The following GFRA1 variants were observed in gnomAD, a reference collection of about 807,000 sequenced individuals.
GFRA1 encodes GDNF family receptor alpha 1.
A neutral mutation model predicts 51.6 loss-of-function variants in GFRA1; 16 were observed. The observed-to-expected ratio is 0.31, with a 90% CI of 0.21 to 0.47. The LOEUF is 0.47. Ranked by LOEUF, GFRA1 falls within the 20% of genes least tolerant of loss-of-function variation. The pLI is 1.00. For synonymous variants in GFRA1, 270 were observed against 241.3 expected (o/e 1.12, Z -1.10); for missense variants, 530 against 594.3 (o/e 0.89, Z 1.13).
chr10:116,229,659 C>A (rs1356330964), intron 4 of GFRA1, among the ~76,000 whole-genome samples: 1 of 152,120 alleles, frequency 6.6e-6, no homozygotes, highest in Admixed American at 6.5e-5. Context: ...AGGTGGCTCC[C>A]CTGCTAGGTT....
chr10:116,076,773 GT>G (rs2133817719), intron 9 of GFRA1, among the ~76,000 whole-genome samples: 1 of 152,268 alleles, frequency 6.6e-6, no homozygotes, highest in South Asian at 2.1e-4. Flanking sequence ...TCCCCATGGT[GT>G]GCTCCCTAAG....
chr10:116,152,319 C>G (rs929004241), intron 5 of GFRA1, among the ~76,000 whole-genome samples: 1 of 152,264 alleles, frequency 6.6e-6, no homozygotes, highest in Non-Finnish European at 1.5e-5. Context: ...ACCGTCTTCA[C>G]AACCTTTTAG....
intron 10 of GFRA1, 145 bp downstream of exon 10, chr10:116,065,428 G>T (rs1955057065): frequency 2.9e-6 from 2 of 700,644 alleles, no homozygotes; most frequent in Admixed American, 4.3e-5. Context: ...TTGCTCAAAG[G>T]GCAGACGGTC....
chr10:116,115,744 G>A (rs574950878), intron 6 of GFRA1, among the ~76,000 whole-genome samples: 24 of 152,154 alleles, frequency 1.6e-4, no homozygotes, highest in African/African-American at 5.8e-4. Flanking sequence ...CCCTTCCCTG[G>A]GAATTAGAAA....
rs61218039 is a variant in GFRA1, at chr10:116,152,555, A to G, written c.434-26998T>C. Among the ~76,000 whole-genome samples, 1,415 of 152,298 alleles carry G rather than the reference A, an allele frequency of 9.3e-3. 20 individuals carry two copies. Among genetic ancestry groups the G allele is most frequent in the African/African-American group, 0.033 (1,353 of 41,564 alleles). On this transcript the variant is annotated intron_variant, in intron 5 of 10. Transcript: ENST00000355422. ...ACTGAGTGACAACTCACTCATCACCAATGCGATGGTGTTAAACCATTCACG... is the reference window on the plus strand; with the variant it reads ...ACTGAGTGACAACTCACTCATCACCGATGCGATGGTGTTAAACCATTCACG...
At chr10:116,217,024 G>A (rs934541143) in intron 4 of GFRA1, among the ~76,000 whole-genome samples, 2 of 152,154 alleles carry the variant, frequency 1.3e-5, no homozygotes, top group African/African-American at 4.8e-5. Flanking sequence ...TGTGAATGCA[G>A]TGAATTTTTT....
At chr10:116,225,262 C>T (rs555418091) in intron 4 of GFRA1, among the ~76,000 whole-genome samples, 14 of 152,050 alleles carry the variant, frequency 9.2e-5, no homozygotes, top group East Asian at 3.9e-4. Flanking sequence ...TGGGGCCAGG[C>T]GTGGTGGCTC....
At chr10:116,194,391 CCT>C (rs1341268904) in intron 5 of GFRA1, among the ~76,000 whole-genome samples, 1 of 152,162 alleles carries the variant, frequency 6.6e-6, no homozygotes, top group Non-Finnish European at 1.5e-5. Flanking sequence ...ATAAACTACC[CCT>C]GTCTGCAGAT....
At chr10:116,269,993 A>G (rs1324157178) in intron 3 of GFRA1, among the ~76,000 whole-genome samples, 4 of 152,174 alleles carry the variant, frequency 2.6e-5, no homozygotes, top group African/African-American at 9.7e-5. Flanking sequence ...GAAAGCAGGT[A>G]CCATGGCTAT....
Position 116,262,400 on chromosome 10 carries a change from C to A in GFRA1, c.418+7103G>T, listed in dbSNP as rs371533744. On this transcript the variant is annotated intron_variant, in intron 4 of 10. Coordinates refer to ENST00000355422, the MANE Select transcript of GFRA1 (RefSeq NM_005264.8). ...TGACATTTAATCTAAATAATAAAATCTTGCCTTTAGGAAGTGGTCAGTGAG... is the reference window on the plus strand; with the variant it reads ...TGACATTTAATCTAAATAATAAAATATTGCCTTTAGGAAGTGGTCAGTGAG... Among the ~76,000 whole-genome samples the A allele has an allele frequency of 6.6e-5, 10 of 152,178 alleles. No individual in the cohort carries two copies. The South Asian group carries it at 1.9e-3, about 28-fold the overall frequency.
intron 5 of GFRA1, among the ~76,000 whole-genome samples, chr10:116,188,537 T>C (rs772790266): frequency 1.5e-4 from 23 of 152,106 alleles, no homozygotes; most frequent in Middle Eastern, 3.2e-3. Flanking sequence ...TGGAGATGGA[T>C]GGTGGTGATG....
chr10:116,175,434 A>G (rs919738169), intron 5 of GFRA1, among the ~76,000 whole-genome samples: 1 of 152,312 alleles, frequency 6.6e-6, no homozygotes, highest in East Asian at 1.9e-4. Context: ...CCAAGGACAG[A>G]AGGAGGAGGA....
Position 116,266,989 on chromosome 10 carries a change from C to T in GFRA1, c.418+2514G>A, listed in dbSNP as rs995312661. ...GAGGGAAAATGAGTGTAAAAAAACT[C>T]CATTGCTAGCCGGTGTAGTGGCACA... On this transcript the variant is annotated intron_variant, in intron 4 of 10. Coordinates refer to ENST00000355422, the MANE Select transcript of GFRA1 (RefSeq NM_005264.8). Among the ~76,000 whole-genome samples the T allele has an allele frequency of 4.6e-5, 7 of 152,046 alleles. 1 individual carries two copies. The highest frequency in any genetic ancestry group is 1.7e-4 in the African/African-American group (7 of 41,384).
intron 6 of GFRA1, among the ~76,000 whole-genome samples, chr10:116,111,753 T>C (rs1245073715): frequency 6.6e-6 from 1 of 152,206 alleles, no homozygotes; most frequent in East Asian, 1.9e-4. Context: ...GGGAATGCTT[T>C]AGAAATGCAA....
At chr10:116,116,451 G>A (rs777541816) in intron 6 of GFRA1, among the ~76,000 whole-genome samples, 2 of 152,232 alleles carry the variant, frequency 1.3e-5, no homozygotes, top group Non-Finnish European at 2.9e-5. Context: ...GATGTCCACT[G>A]CCTTCAGGTA....
At chr10:116,181,129 G>A (rs1962176303) in intron 5 of GFRA1, among the ~76,000 whole-genome samples, 1 of 152,184 alleles carries the variant, frequency 6.6e-6, no homozygotes, top group South Asian at 2.1e-4. Context: ...GTACAAAGAT[G>A]TTATTATTCT....
At chr10:116,173,736 T>C (rs1437393307) in intron 5 of GFRA1, among the ~76,000 whole-genome samples, 2 of 152,124 alleles carry the variant, frequency 1.3e-5, no homozygotes, top group Non-Finnish European at 2.9e-5. Flanking sequence ...AGTTTTCTGA[T>C]ATATATCTGT....
chr10:116,065,340 T>G (rs1213086258), intron 10 of GFRA1, among the ~76,000 whole-genome samples: 2 of 152,204 alleles, frequency 1.3e-5, no homozygotes, highest in Admixed American at 1.3e-4. Context: ...CCTGGAACAC[T>G]TGTATTAATC....
chr10:116,157,185 G>T (rs868030354), intron 5 of GFRA1, among the ~76,000 whole-genome samples: 1 of 152,232 alleles, frequency 6.6e-6, no homozygotes, highest in East Asian at 1.9e-4. Context: ...TGAGTGGACA[G>T]TGAAGTCTGG....
Sources: gnomAD v4.1 joint callset for allele counts (sites outside exome capture counted in the v4.1 genomes callset) on GRCh38, gnomAD v4.1.1 for gene constraint, MANE v1.5 for transcripts, NCBI Gene and HGNC (gene_info 2026-07-23, HGNC 2026-07-21) for gene names.